Variants in MNAT1 observed in about 807,000 individuals in gnomAD.
MNAT1 encodes MNAT1 component of CDK activating kinase, also known as CDK-activating kinase assembly factor MAT1.
A neutral mutation model predicts 42.0 loss-of-function variants in MNAT1; 43 were observed. The ratio of observed to expected loss-of-function variants is 1.02; its 90% CI spans 0.80 to 1.32. The LOEUF (loss-of-function observed/expected upper bound fraction) is 1.32, where lower values mean the gene tolerates loss of function less well. Ranked by LOEUF, MNAT1 falls within the 40% of genes most tolerant of loss-of-function variation. The probability of loss-of-function intolerance (pLI) is 0.00; values close to 1 mark genes in which losing one functional copy is unlikely to be tolerated. For missense variants in MNAT1, 306 were observed against 350.4 expected (o/e 0.87, Z 1.01); for synonymous variants, 118 against 120.0 (o/e 0.98, Z 0.11).
chr14:60,824,716 A>G (rs926599195), intron 6 of MNAT1, among the ~76,000 whole-genome samples: 3 of 152,198 alleles, frequency 2.0e-5, no homozygotes, highest in African/African-American at 7.2e-5. Flanking sequence ...AGAATATTGA[A>G]ATCTATACAT....
At chr14:60,924,783 A>C (rs1339914262) in intron 7 of MNAT1, among the ~76,000 whole-genome samples, 1 of 152,216 alleles carries the variant, frequency 6.6e-6, no homozygotes, top group East Asian at 1.9e-4. Context: ...AAAGCTGACA[A>C]CTTGGAAACA....
chr14:60,899,291 AT>A, intron 7 of MNAT1, among the ~76,000 whole-genome samples: 1 of 152,300 alleles, frequency 6.6e-6, no homozygotes, highest in South Asian at 2.1e-4. Context: ...TTTAAAAATG[AT>A]TTTTAACTGT....
intron 7 of MNAT1, among the ~76,000 whole-genome samples, chr14:60,948,227 T>C (rs1382079657): frequency 1.3e-5 from 2 of 152,078 alleles, no homozygotes; most frequent in Non-Finnish European, 2.9e-5. Flanking sequence ...GGCCAGGAGT[T>C]CGAGAACACC....
chr14:60,889,174 G>C (rs2034767703), intron 7 of MNAT1, among the ~76,000 whole-genome samples: 1 of 152,176 alleles, frequency 6.6e-6, no homozygotes, highest in Non-Finnish European at 1.5e-5. Context: ...AAAGCTGGAG[G>C]CATCACACTA....
intron 1 of MNAT1, among the ~76,000 whole-genome samples, chr14:60,782,895 G>A (rs1594750395): frequency 6.6e-6 from 1 of 152,196 alleles, no homozygotes; most frequent in Non-Finnish European, 1.5e-5. Context: ...ACACTTAGCA[G>A]ACATAACTTT....
At chr14:60,863,352 A>T (rs932524342) in intron 6 of MNAT1, among the ~76,000 whole-genome samples, 7 of 152,138 alleles carry the variant, frequency 4.6e-5, no homozygotes, top group African/African-American at 1.7e-4. Context: ...TTTTTAAAAA[A>T]TGGTGATCAT....
intron 7 of MNAT1, among the ~76,000 whole-genome samples, chr14:60,933,731 G>A (rs1330098567): frequency 6.6e-6 from 1 of 152,038 alleles, no homozygotes; most frequent in Non-Finnish European, 1.5e-5. Context: ...TGTTTTCCTT[G>A]TTTATCTCCC....
At chr14:60,929,407 T>G (rs988085554) in intron 7 of MNAT1, among the ~76,000 whole-genome samples, 2 of 151,942 alleles carry the variant, frequency 1.3e-5, no homozygotes, top group Admixed American at 6.6e-5. Context: ...TGTAAAAGTT[T>G]TGTAATATTA....
intron 6 of MNAT1, among the ~76,000 whole-genome samples, chr14:60,869,766 T>C (rs1220162152): frequency 6.6e-6 from 1 of 152,202 alleles, no homozygotes; most frequent in Non-Finnish European, 1.5e-5. Flanking sequence ...ATCTCAACAA[T>C]CTATATACTA....
Position 60,968,319 on chromosome 14 carries a change from A to AC in MNAT1, c.900_901insC (p.Phe301LeufsTer32). The AC allele has an allele frequency of 6.2e-7, 1 of 1,613,532 alleles. No homozygotes were observed. On this transcript the variant is annotated frameshift_variant, in exon 8 of 8. Transcript: ENST00000261245. LOFTEE classifies it high-confidence loss of function. ...CTTGTCACAGAGCACTACAGGATGC[A>AC]TTCAGTGGGCTTTTCTGGCAGCCCA... is the stretch of plus-strand genomic sequence containing the variant.
At chr14:60,819,773 C>T (rs530607103) in intron 6 of MNAT1, among the ~76,000 whole-genome samples, 3 of 152,088 alleles carry the variant, frequency 2.0e-5, no homozygotes, top group Non-Finnish European at 4.4e-5. Context: ...ATTTATCCAG[C>T]TGCTTGACAT....
At chr14:60,925,960 A>G (rs2035755445) in intron 7 of MNAT1, among the ~76,000 whole-genome samples, 1 of 152,216 alleles carries the variant, frequency 6.6e-6, no homozygotes, top group Non-Finnish European at 1.5e-5. Context: ...AGAGTAGGTC[A>G]GTCAGAAGCA....
intron 6 of MNAT1, among the ~76,000 whole-genome samples, chr14:60,845,835 C>T (rs1488485504): frequency 6.6e-6 from 1 of 151,978 alleles, no homozygotes; most frequent in Non-Finnish European, 1.5e-5. Context: ...GTGCTTCATC[C>T]TTGTTTTAGT....
chr14:60,957,755 T>C (rs1279146552), intron 7 of MNAT1, among the ~76,000 whole-genome samples: 1 of 152,248 alleles, frequency 6.6e-6, no homozygotes, highest in East Asian at 1.9e-4. Flanking sequence ...ATTAGAGTTA[T>C]AAGTAATTTA....
intron 7 of MNAT1, among the ~76,000 whole-genome samples, chr14:60,938,565 C>G (rs531854162): frequency 1.3e-5 from 2 of 152,244 alleles, no homozygotes; most frequent in East Asian, 3.9e-4. Flanking sequence ...CCTTGCATCC[C>G]AGGAATGAAG....
At chr14:60,739,377 T>A (rs1362789068) in intron 1 of MNAT1, among the ~76,000 whole-genome samples, 2 of 152,090 alleles carry the variant, frequency 1.3e-5, no homozygotes, top group Admixed American at 6.5e-5. Context: ...TCCGCAGGAT[T>A]TTATTAACTT....
intron 7 of MNAT1, among the ~76,000 whole-genome samples, chr14:60,950,818 T>C (rs1309759225): frequency 6.6e-6 from 1 of 152,242 alleles, no homozygotes; most frequent in Non-Finnish European, 1.5e-5. Context: ...GCTATTATCA[T>C]GGCTGCACTT....
chr14:60,854,843 C>A (rs904202218), intron 6 of MNAT1, among the ~76,000 whole-genome samples: 1 of 152,132 alleles, frequency 6.6e-6, no homozygotes, highest in Middle Eastern at 3.2e-3. Context: ...TGGGAGAATT[C>A]CTCTTGTCAG....
At chr14:60,864,881 AG>A (rs1305727911) in intron 6 of MNAT1, among the ~76,000 whole-genome samples, 2 of 151,988 alleles carry the variant, frequency 1.3e-5, no homozygotes, top group Non-Finnish European at 2.9e-5. Flanking sequence ...GACAGAAGAA[AG>A]GTAAAATCAG....
Sources: gnomAD v4.1 joint callset for allele counts (sites outside exome capture counted in the v4.1 genomes callset) on GRCh38, gnomAD v4.1.1 for gene constraint, MANE v1.5 for transcripts, NCBI Gene and HGNC (gene_info 2026-07-23, HGNC 2026-07-21) for gene names.